Variants in SLC25A21 observed in about 807,000 individuals in gnomAD.
SLC25A21 encodes the protein mitochondrial 2-oxodicarboxylate carrier.
Under a neutral mutation model 43.8 loss-of-function variants are expected in SLC25A21, and 47 were observed. The observed-to-expected ratio is 1.07, with a 90% confidence interval of 0.85 to 1.37. The LOEUF is 1.37. Among genes scored for constraint, SLC25A21 ranks in the 40% most tolerant of loss-of-function variants. SLC25A21 has a pLI of 0.00. For synonymous variants in SLC25A21, 131 were observed against 121.3 expected, an observed-to-expected ratio of 1.08 and a Z score of -0.52; for missense variants, 352 against 350.2, an observed-to-expected ratio of 1.00 and a Z score of -0.04.
chr14:37,128,493 T>A (rs986292360), intron 1 of SLC25A21, among the ~76,000 whole-genome samples: 9 of 151,936 alleles, frequency 5.9e-5, no homozygotes, highest in African/African-American at 2.2e-4. Flanking sequence ...TATGACCCAT[T>A]ATTCTGCATG....
rs71124782 is a variant in SLC25A21, at chr14:36,860,134, G to GA, written c.119+14821dup. Among the ~76,000 whole-genome samples, 617 of 137,964 alleles carry GA rather than the reference G, an allele frequency of 4.5e-3. 3 individuals carry two copies. Among genetic ancestry groups the GA allele is most frequent in the East Asian group, 0.019 (91 of 4,720 alleles). The allele number at this position is 137,964 out of a possible 152,430, so 90.5% of individuals were successfully genotyped here. A position where few individuals can be genotyped will look rare whatever the true frequency, so the allele number is the denominator to read the frequency against. Reference sequence around the variant, plus strand: ...CTAAAACAAAGCCAAATAAGGTAATGAAAAAAAAAAAAAAGAGAGACACAC... The same window carrying GA: ...CTAAAACAAAGCCAAATAAGGTAATGAAAAAAAAAAAAAAAGAGAGACACAC... On this transcript the variant is annotated intron_variant, in intron 2 of 9. Coordinates refer to ENST00000331299, the MANE Select transcript of SLC25A21 (RefSeq NM_030631.4).
At chr14:36,879,663 T>C (rs1333810367) in intron 1 of SLC25A21, among the ~76,000 whole-genome samples, 1 of 152,072 alleles carries the variant, frequency 6.6e-6, no homozygotes, top group Non-Finnish European at 1.5e-5. Flanking sequence ...GAGCCAATAT[T>C]GGGAAAAAAT....
chr14:36,938,327 G>A (rs74986683), intron 1 of SLC25A21, among the ~76,000 whole-genome samples: 9,300 of 152,170 alleles, frequency 0.061, 402 homozygotes, highest in Middle Eastern at 0.15. Context: ...TTCCACAGGG[G>A]TCTACTGATC....
intron 1 of SLC25A21, among the ~76,000 whole-genome samples, chr14:37,074,572 C>T (rs1962241053): frequency 6.6e-6 from 1 of 152,218 alleles, no homozygotes; most frequent in Admixed American, 6.5e-5. Flanking sequence ...TGGCTCACAC[C>T]TGTAATCCCA....
intron 1 of SLC25A21, among the ~76,000 whole-genome samples, chr14:36,996,705 A>G (rs866653097): frequency 7.2e-5 from 11 of 152,268 alleles, no homozygotes; most frequent in Middle Eastern, 3.4e-3. Context: ...AGAAAAAAAA[A>G]GTGGATGGAG....
At chr14:37,151,688 C>G (rs867511028) in intron 1 of SLC25A21, among the ~76,000 whole-genome samples, 1 of 152,196 alleles carries the variant, frequency 6.6e-6, no homozygotes, top group South Asian at 2.1e-4. Flanking sequence ...GAGTTTGAGT[C>G]TGTGTCTGTC....
At position 36,820,166 on chromosome 14, in the gene SLC25A21, C is replaced by A. The variant is rs576061392; in HGVS notation, c.120-6165G>T. Among the ~76,000 whole-genome samples, 17 of 152,260 alleles carry A rather than the reference C, an allele frequency of 1.1e-4. No individual in the cohort carries two copies. In the South Asian group the frequency reaches 3.5e-3, roughly 32 times the overall value. ...TAGGTAAAGAGCATTTCTGGCATCA[C>A]CCCTGGATCACTTCTTAGTTCAGTA... On this transcript the variant is annotated intron_variant, in intron 2 of 9. Transcript: ENST00000331299.
At chr14:36,727,671 G>T (rs908498911) in intron 5 of SLC25A21, among the ~76,000 whole-genome samples, 2 of 151,124 alleles carry the variant, frequency 1.3e-5, no homozygotes, top group African/African-American at 4.9e-5. Context: ...CTGGGCGACA[G>T]ATTGAGACTC....
At chr14:36,930,793 T>C (rs937282092) in intron 1 of SLC25A21, among the ~76,000 whole-genome samples, 1 of 152,110 alleles carries the variant, frequency 6.6e-6, no homozygotes, top group Non-Finnish European at 1.5e-5. Flanking sequence ...TCCACATACC[T>C]CTCAAGTGTC....
chr14:37,144,935 T>C (rs189802237), intron 1 of SLC25A21, among the ~76,000 whole-genome samples: 2 of 151,636 alleles, frequency 1.3e-5, no homozygotes. Context: ...GTTGTTGTTG[T>C]TGTTGTTGTT....
At chr14:36,904,584 A>G (rs1206303464) in intron 1 of SLC25A21, among the ~76,000 whole-genome samples, 3 of 152,214 alleles carry the variant, frequency 2.0e-5, no homozygotes, top group Non-Finnish European at 2.9e-5. Flanking sequence ...GGTAATTTAT[A>G]AACAAAAGAG....
chr14:37,002,722 A>G (rs1283037247), intron 1 of SLC25A21, among the ~76,000 whole-genome samples: 1 of 144,812 alleles, frequency 6.9e-6, no homozygotes. Flanking sequence ...CAAACTGTAC[A>G]AAACAGTGCT....
intron 3 of SLC25A21, among the ~76,000 whole-genome samples, chr14:36,802,764 G>T (rs960259246): frequency 6.6e-6 from 1 of 152,190 alleles, no homozygotes; most frequent in Admixed American, 6.5e-5. Flanking sequence ...TGGATAAAAG[G>T]GAAAGGACAT....
At chr14:37,138,896 A>G (rs1184082579) in intron 1 of SLC25A21, among the ~76,000 whole-genome samples, 2 of 152,146 alleles carry the variant, frequency 1.3e-5, no homozygotes, top group African/African-American at 4.8e-5. Flanking sequence ...TTGGTTCAGT[A>G]TAAATGATAT....
chr14:36,806,257 G>C (rs1300049105), intron 3 of SLC25A21, among the ~76,000 whole-genome samples: 2 of 151,742 alleles, frequency 1.3e-5, no homozygotes, highest in African/African-American at 2.4e-5. Flanking sequence ...AAAAGAGGTG[G>C]GTTAATGGGC....
At chr14:36,952,945 T>G (rs921163141) in intron 1 of SLC25A21, among the ~76,000 whole-genome samples, 16 of 152,190 alleles carry the variant, frequency 1.1e-4, no homozygotes, top group Non-Finnish European at 1.9e-4. Context: ...TACTCATCTA[T>G]CATCAAGCTG....
rs190926309 is a variant in SLC25A21 at position 37,086,018 on chromosome 14, T to C, written c.70+86263A>G. ...TACTCCGGAGGCTGAGGCAGGAGAA[T>C]GGCGCGAACCCAGGAGGCGGAGCTT... On this transcript the variant is annotated intron_variant, in intron 1 of 9. Transcript: ENST00000331299. 1.2e-3 allele frequency among the ~76,000 whole-genome samples: 182 copies of C among 152,102 alleles called. 1 individual carries two copies. The highest frequency in any genetic ancestry group is 4.1e-3 in the African/African-American group (170 of 41,458).
chr14:36,846,273 A>T (rs547451514), intron 2 of SLC25A21, among the ~76,000 whole-genome samples: 1 of 152,320 alleles, frequency 6.6e-6, no homozygotes, highest in Non-Finnish European at 1.5e-5. Context: ...AGAGAATGAG[A>T]TATGACCAGA....
chr14:36,962,013 T>G (rs1959504331), intron 1 of SLC25A21, among the ~76,000 whole-genome samples: 2 of 152,280 alleles, frequency 1.3e-5, no homozygotes, highest in South Asian at 4.1e-4. Context: ...TTGCCACAGC[T>G]CCAGTCTGAG....
Sources: gnomAD v4.1 joint callset for allele counts (sites outside exome capture counted in the v4.1 genomes callset) on GRCh38, gnomAD v4.1.1 for gene constraint, MANE v1.5 for transcripts, NCBI Gene and HGNC (gene_info 2026-07-23, HGNC 2026-07-21) for gene names.